The following TMCO5A variants were observed in gnomAD, a reference collection of about 807,000 sequenced individuals.
The protein encoded by TMCO5A is transmembrane and coiled-coil domains 5A.
Under a neutral mutation model 42.3 loss-of-function variants are expected in TMCO5A, and 34 were observed. That is an observed-to-expected ratio of 0.80 (90% CI 0.61 to 1.07). The LOEUF is 1.07. Among genes scored for constraint, TMCO5A ranks in the 50% least tolerant of loss-of-function variants. The pLI is 0.00. For synonymous variants in TMCO5A, 131 were observed against 115.6 expected (o/e 1.13, Z -0.86); for missense variants, 357 against 327.9 (o/e 1.09, Z -0.69).
chr15:38,009,232 T>C, the TMCO5A span, among the ~76,000 whole-genome samples: 1 of 152,230 alleles, frequency 6.6e-6, no homozygotes, highest in Non-Finnish European at 1.5e-5. Context: ...CACCTCTAGA[T>C]CTACTTTTCC....
chr15:37,989,826 G>A, the TMCO5A span, among the ~76,000 whole-genome samples: 8 of 152,086 alleles, frequency 5.3e-5, no homozygotes, highest in South Asian at 2.1e-4. Flanking sequence ...GGATGAACAC[G>A]GTCCTCACAC....
the TMCO5A span, among the ~76,000 whole-genome samples, chr15:38,010,425 TCACACACA>T: frequency 7.6e-4 from 89 of 117,470 alleles, 1 homozygote; most frequent in African/African-American, 2.3e-3. Context: ...CAGAGGGAGA[TCACACACA>T]CACACACACA....
downstream of TMCO5A, among the ~76,000 whole-genome samples, chr15:37,955,690 G>A (rs1890270093): frequency 6.6e-6 from 1 of 151,862 alleles, no homozygotes; most frequent in Admixed American, 6.6e-5. Context: ...GATCAACAAG[G>A]CAGAAAATTA....
At chr15:37,965,413 C>A (rs750577190) in intron 11 of TMCO5A, among the ~76,000 whole-genome samples, 86 of 152,098 alleles carry the variant, frequency 5.7e-4, no homozygotes, top group Non-Finnish European at 1.1e-3. Flanking sequence ...CAAATGGGTT[C>A]TCATCAAGCT....
At chr15:37,936,513 G>T in intron 3 of TMCO5A, 50 bp downstream of exon 3, 1 of 1,571,654 alleles carries the variant, frequency 6.4e-7, no homozygotes. Context: ...AGAAGGGGTG[G>T]AGGACCAAAA....
chr15:38,030,668 G>A, the TMCO5A span, among the ~76,000 whole-genome samples: 1 of 152,110 alleles, frequency 6.6e-6, no homozygotes, highest in African/African-American at 2.4e-5. Context: ...CACTGACTTG[G>A]TACTGCTCAC....
chr15:38,029,175 G>A, the TMCO5A span, among the ~76,000 whole-genome samples: 1 of 152,074 alleles, frequency 6.6e-6, no homozygotes, highest in Admixed American at 6.5e-5. Flanking sequence ...GTAAAAAGAG[G>A]CATATGGGAA....
downstream of TMCO5A, among the ~76,000 whole-genome samples, chr15:37,970,653 G>A (rs1890655745): frequency 6.6e-6 from 1 of 152,202 alleles, no homozygotes; most frequent in Non-Finnish European, 1.5e-5. Context: ...AAAATCAAAA[G>A]CAATTTAGTT....
In TMCO5A at chr15:37,941,811, G is replaced by A; in HGVS notation, c.504+81G>A. Reference sequence around the variant, plus strand: ...AGAACAAGGATTTTCAAAGACTACTGTCCAGAGCAATTTCAACAGTTCAAG... The same window carrying A: ...AGAACAAGGATTTTCAAAGACTACTATCCAGAGCAATTTCAACAGTTCAAG... On this transcript the variant is annotated intron_variant, in intron 8 of 11. Transcript: ENST00000319669. 3 of 1,235,114 alleles carry A rather than the reference G, an allele frequency of 2.4e-6. No homozygotes were observed. In the South Asian group the frequency reaches 3.6e-5, roughly 15 times the overall value. The allele number at this position is 1,235,114 out of a possible 1,614,324, so 76.5% of individuals were successfully genotyped here.
At chr15:37,984,305 T>TA in the TMCO5A span, among the ~76,000 whole-genome samples, 1 of 152,118 alleles carries the variant, frequency 6.6e-6, no homozygotes, top group South Asian at 2.1e-4. Flanking sequence ...GATTTTTTTT[T>TA]ATCACAACTG....
intron 9 of TMCO5A, chr15:37,942,888 G>A (rs1376454015): frequency 6.5e-6 from 1 of 153,204 alleles, no homozygotes; most frequent in African/African-American, 2.4e-5. Context: ...CAGTCAAGAA[G>A]TATTTCTATT....
At chr15:37,974,267 G>C in the TMCO5A span, among the ~76,000 whole-genome samples, 1 of 152,156 alleles carries the variant, frequency 6.6e-6, no homozygotes, top group Non-Finnish European at 1.5e-5. Flanking sequence ...GAAGATGCTG[G>C]CCTCATAGAA....
downstream of TMCO5A, among the ~76,000 whole-genome samples, chr15:37,969,300 T>C (rs1414373543): frequency 2.0e-5 from 3 of 152,192 alleles, no homozygotes; most frequent in Non-Finnish European, 2.9e-5. Flanking sequence ...CAAATACAAG[T>C]ATCCCCAAAA....
At chr15:37,991,573 CATGT>C in the TMCO5A span, among the ~76,000 whole-genome samples, 2 of 152,124 alleles carry the variant, frequency 1.3e-5, no homozygotes, top group Non-Finnish European at 2.9e-5. Flanking sequence ...ACTTCCGCAA[CATGT>C]ATGCTGGTCT....
the TMCO5A span, among the ~76,000 whole-genome samples, chr15:38,019,685 G>A: frequency 6.6e-6 from 1 of 152,000 alleles, no homozygotes; most frequent in African/African-American, 2.4e-5. Context: ...ATAGCTCACT[G>A]CAGCCTCAAA....
chr15:37,944,511 C>T (rs1158156504), intron 10 of TMCO5A: 1 of 152,066 alleles, frequency 6.6e-6, no homozygotes, highest in African/African-American at 2.4e-5. Context: ...GTTTGGCAGG[C>T]CATGTAATCT....
the TMCO5A span, among the ~76,000 whole-genome samples, chr15:38,039,159 A>G: frequency 2.0e-5 from 3 of 152,220 alleles, no homozygotes; most frequent in African/African-American, 4.8e-5. Flanking sequence ...TAAATAAGCT[A>G]TAAGTTAAAA....
chr15:37,988,591 T>G, the TMCO5A span, among the ~76,000 whole-genome samples: 1 of 151,992 alleles, frequency 6.6e-6, no homozygotes, highest in East Asian at 1.9e-4. Context: ...AGGCCCTTTC[T>G]GCATCAATTG....
intron 11 of TMCO5A, among the ~76,000 whole-genome samples, chr15:37,964,071 G>C (rs902251006): frequency 6.6e-6 from 1 of 152,092 alleles, no homozygotes. Flanking sequence ...GTGTTAAAGA[G>C]CCTTGTTTTG....
Sources: gnomAD v4.1 joint callset for allele counts (sites outside exome capture counted in the v4.1 genomes callset) on GRCh38, gnomAD v4.1.1 for gene constraint, MANE v1.5 for transcripts, NCBI Gene and HGNC (gene_info 2026-07-23, HGNC 2026-07-21) for gene names.